FNDC3A: variants seen among roughly 807,000 people sequenced by gnomAD.
FNDC3A encodes the protein fibronectin type III domain containing 3A.
FNDC3A carries 32 observed loss-of-function variants against 148.9 expected under a neutral mutation model. That is an observed-to-expected ratio of 0.21 (90% CI 0.16 to 0.29). The LOEUF (loss-of-function observed/expected upper bound fraction) is 0.29, where lower values mean the gene tolerates loss of function less well. FNDC3A is among the 10% of genes least tolerant of loss of function. The pLI, the probability that FNDC3A is intolerant of heterozygous loss-of-function variation, is 1.00. For synonymous variants in FNDC3A, 472 were observed against 473.6 expected (o/e 1.00, Z 0.04); for missense variants, 1,191 against 1,452.8 (o/e 0.82, Z 2.93).
At chr13:49,009,211 T>C (rs1952286156) in intron 2 of FNDC3A, among the ~76,000 whole-genome samples, 1 of 152,240 alleles carries the variant, frequency 6.6e-6, no homozygotes, top group African/African-American at 2.4e-5. Flanking sequence ...TTTTTAAGAA[T>C]GCAATACAGT....
At chr13:49,174,668 A>ATC in intron 12 of FNDC3A, 109 bp downstream of exon 12, 1 of 1,002,550 alleles carries the variant, frequency 1.0e-6, no homozygotes. Flanking sequence ...TGCTTAGTTT[A>ATC]TCTCTTTGTT....
In FNDC3A at chr13:49,032,223, GC is replaced by G. The variant is rs533146610; in HGVS notation, c.99+25936del. Among the ~76,000 whole-genome samples the G allele has an allele frequency of 2.3e-3, 357 of 152,236 alleles. 1 individual carries two copies. The highest frequency in any genetic ancestry group is 3.9e-3 in the Non-Finnish European group (262 of 67,982). ...ACTGGTAAATGTACTTTGGGAAATA[GC>G]CTGGCAGTTCCTAAGACAGTTAAAC... On this transcript the variant is annotated intron_variant, in intron 2 of 25. Coordinates refer to ENST00000492622, the MANE Select transcript of FNDC3A (RefSeq NM_001079673.2).
chr13:49,052,486 C>A (rs1429435607), intron 2 of FNDC3A, among the ~76,000 whole-genome samples: 1 of 152,148 alleles, frequency 6.6e-6, no homozygotes, highest in Non-Finnish European at 1.5e-5. Context: ...GGGCTCCAGA[C>A]TGGTACTGGG....
At chr13:48,986,385 G>GTT (rs869031197) in intron 1 of FNDC3A, among the ~76,000 whole-genome samples, 7,636 of 54,342 alleles carry the variant, frequency 0.14, 3,113 homozygotes, top group Middle Eastern at 0.18. Flanking sequence ...GAAGGAAGTT[G>GTT]TTTTTTTTTT....
intron 1 of FNDC3A, among the ~76,000 whole-genome samples, chr13:48,994,933 T>G (rs9568142): frequency 0.038 from 5,753 of 152,306 alleles, 154 homozygotes; most frequent in South Asian, 0.13. Flanking sequence ...CTATTATGTT[T>G]ACATTGGTGT....
At chr13:49,073,335 A>G (rs1877831967) in intron 2 of FNDC3A, among the ~76,000 whole-genome samples, 1 of 152,174 alleles carries the variant, frequency 6.6e-6, no homozygotes, top group African/African-American at 2.4e-5. Context: ...TGACACAAGC[A>G]GGTAATTTAC....
intron 2 of FNDC3A, among the ~76,000 whole-genome samples, chr13:49,063,693 C>A (rs1236509856): frequency 1.3e-5 from 2 of 152,248 alleles, no homozygotes; most frequent in South Asian, 4.1e-4. Context: ...TAAACAATTG[C>A]CCCTGGGCAT....
intron 1 of FNDC3A, among the ~76,000 whole-genome samples, chr13:48,981,406 G>A (rs1196473346): frequency 6.6e-6 from 1 of 151,282 alleles, no homozygotes; most frequent in Non-Finnish European, 1.5e-5. Context: ...AGAGATGTTG[G>A]AAACTATAAA....
intron 2 of FNDC3A, among the ~76,000 whole-genome samples, chr13:49,073,773 A>AT (rs1566232751): frequency 1.5e-3 from 211 of 138,278 alleles, no homozygotes; most frequent in African/African-American, 5.8e-3. Context: ...TATGTATATA[A>AT]TATATATGTG....
intron 2 of FNDC3A, among the ~76,000 whole-genome samples, chr13:49,070,167 T>C (rs1877551526): frequency 6.6e-6 from 1 of 152,142 alleles, no homozygotes; most frequent in South Asian, 2.1e-4. Context: ...AGTCTTGCAC[T>C]GTCACCCGGG....
intron 3 of FNDC3A, among the ~76,000 whole-genome samples, chr13:49,113,548 A>G (rs1019931616): frequency 3.3e-5 from 5 of 151,958 alleles, no homozygotes; most frequent in Non-Finnish European, 7.4e-5. Context: ...CTTGTTTTCT[A>G]CCCTACATTT....
chr13:49,013,541 T>C (rs933609125), intron 2 of FNDC3A, among the ~76,000 whole-genome samples: 1 of 151,732 alleles, frequency 6.6e-6, no homozygotes, highest in Non-Finnish European at 1.5e-5. Flanking sequence ...TATATACGTG[T>C]ACATGTGTAT....
Position 49,176,182 on chromosome 13 carries a change from T to A in FNDC3A, c.1530+641T>A, listed in dbSNP as rs1469790356. ...TTGTTGTGACTCTGCCAGGTTTTGGTATCAGGATGATGCTGGCCTCATAAA... is the reference window on the plus strand; with the variant it reads ...TTGTTGTGACTCTGCCAGGTTTTGGAATCAGGATGATGCTGGCCTCATAAA... On this transcript the variant is annotated intron_variant, in intron 13 of 25. Coordinates refer to ENST00000492622, the MANE Select transcript of FNDC3A (RefSeq NM_001079673.2). 5.3e-5 allele frequency among the ~76,000 whole-genome samples: 8 copies of A among 152,342 alleles called. No homozygotes were observed. The East Asian group carries it at 1.4e-3, about 26-fold the overall frequency.
chr13:49,188,967 T>A (rs1885734445), intron 17 of FNDC3A, among the ~76,000 whole-genome samples: 2 of 152,216 alleles, frequency 1.3e-5, no homozygotes, highest in Admixed American at 1.3e-4. Flanking sequence ...ATAGACCGAT[T>A]TACTGCTCCA....
intron 14 of FNDC3A, among the ~76,000 whole-genome samples, chr13:49,184,623 C>A (rs1431470356): frequency 2.0e-5 from 3 of 152,048 alleles, no homozygotes; most frequent in African/African-American, 7.2e-5. Context: ...GGAGGAAGCC[C>A]TGAGCTTATA....
chr13:49,006,589 T>C (rs755118484), intron 2 of FNDC3A, among the ~76,000 whole-genome samples: 6 of 152,054 alleles, frequency 3.9e-5, no homozygotes, highest in Non-Finnish European at 8.8e-5. Flanking sequence ...ACCTTAATGA[T>C]TATTATAAAT....
At chr13:49,049,269 C>CT (rs71186324) in intron 2 of FNDC3A, among the ~76,000 whole-genome samples, 3,835 of 152,066 alleles carry the variant, frequency 0.025, 80 homozygotes, top group Admixed American at 0.052. Context: ...CTGTAGTTTT[C>CT]TTTTTTTGTT....
intron 2 of FNDC3A, 46 bp downstream of exon 2, chr13:49,006,335 A>G: frequency 1.9e-6 from 2 of 1,079,818 alleles, no homozygotes; most frequent in Non-Finnish European, 2.8e-6. Flanking sequence ...ATACACATGT[A>G]TTTATGCAAA....
At chr13:49,164,767 G>A (rs112790381) in intron 8 of FNDC3A, among the ~76,000 whole-genome samples, 4 of 151,956 alleles carry the variant, frequency 2.6e-5, no homozygotes, top group East Asian at 1.9e-4. Flanking sequence ...CGCCACCACC[G>A]GCCGGCTAAT....
Sources: gnomAD v4.1 joint callset for allele counts (sites outside exome capture counted in the v4.1 genomes callset) on GRCh38, gnomAD v4.1.1 for gene constraint, MANE v1.5 for transcripts, NCBI Gene and HGNC (gene_info 2026-07-23, HGNC 2026-07-21) for gene names.